Variants in FBXL18 observed in about 807,000 individuals in gnomAD.
The protein encoded by FBXL18 is F-box and leucine rich repeat protein 18.
A neutral mutation model predicts 46.0 loss-of-function variants in FBXL18; 36 were observed. That is an observed-to-expected ratio of 0.78 (90% confidence interval 0.60 to 1.03). FBXL18 has a LOEUF of 1.03. Among genes scored for constraint, FBXL18 ranks in the 50% least tolerant of loss-of-function variants. The probability of loss-of-function intolerance (pLI) is 0.00; values close to 1 mark genes in which losing one functional copy is unlikely to be tolerated. For synonymous variants in FBXL18, 557 were observed against 465.3 expected (o/e 1.20, Z -2.54); for missense variants, 977 against 1,004.1 (o/e 0.97, Z 0.36).
intron 4 of FBXL18, among the ~76,000 whole-genome samples, chr7:5,456,104 T>A (rs989281354): frequency 3.3e-5 from 5 of 152,030 alleles, no homozygotes; most frequent in Admixed American, 3.3e-4. Context: ...AACTGGCAAC[T>A]CCTGCTCCCA....
At chr7:5,469,995 T>C (rs144544345) in intron 4 of FBXL18, among the ~76,000 whole-genome samples, 4 of 152,244 alleles carry the variant, frequency 2.6e-5, no homozygotes, top group Non-Finnish European at 5.9e-5. Flanking sequence ...TGTCAGAGTG[T>C]CTGAAGTGTA....
intron 1 of FBXL18, among the ~76,000 whole-genome samples, chr7:5,511,319 C>G (rs1249920335): frequency 2.0e-5 from 3 of 152,106 alleles, no homozygotes; most frequent in Non-Finnish European, 4.4e-5. Context: ...TGGCTCACGC[C>G]TGTAATCTCA....
At chr7:5,498,657 C>T (rs1784150081) in intron 3 of FBXL18, among the ~76,000 whole-genome samples, 1 of 152,092 alleles carries the variant, frequency 6.6e-6, no homozygotes, top group Admixed American at 6.6e-5. Flanking sequence ...GCAACCTCTG[C>T]CTCCCGGGTA....
intron 1 of FBXL18, 35 bp downstream of exon 1, chr7:5,513,622 G>A (rs1248113753): frequency 6.2e-7 from 1 of 1,611,568 alleles, no homozygotes; most frequent in Admixed American, 1.7e-5. Context: ...AGGCCGCCGA[G>A]GCAGAAGCAG....
At chr7:5,463,741 T>TTTTTTTTTTTTTTTTTTTTTTTTTTTA (rs1783298690) in intron 4 of FBXL18, among the ~76,000 whole-genome samples, 1 of 46,204 alleles carries the variant, frequency 2.2e-5, no homozygotes, top group Non-Finnish European at 5.1e-5. Flanking sequence ...TTTTTTTTTT[T>TTTTTTTTTTTTTTTTTTTTTTTTTTTA]TTTTTTTTTT....
intron 2 of FBXL18, among the ~76,000 whole-genome samples, chr7:5,505,040 A>C (rs1008924529): frequency 1.3e-5 from 2 of 151,262 alleles, no homozygotes; most frequent in African/African-American, 4.9e-5. Context: ...GGGGGTGCAA[A>C]ATGGTGCCCT....
In FBXL18 at chr7:5,481,955, C is replaced by T. The variant is rs370138810; in HGVS notation, c.2001-24G>A. On this transcript the variant is annotated intron_variant, in intron 4 of 4. Transcript: ENST00000382368. ...AGCTGAACCAGAGACAGGCGGTCAG[C>T]GGATTACATGGGTGGCCACGGAGGG... 38 of 1,582,788 alleles carry T rather than the reference C, an allele frequency of 2.4e-5. No individual in the cohort carries two copies. In the African/African-American group the frequency reaches 4.7e-4, roughly 20 times the overall value.
At chr7:5,472,761 G>A (rs1416239526), downstream of FBXL18, among the ~76,000 whole-genome samples, 1 of 152,138 alleles carries the variant, frequency 6.6e-6, no homozygotes, top group Non-Finnish European at 1.5e-5. Flanking sequence ...AGACACCATG[G>A]AACAGATAAC....
downstream of FBXL18, among the ~76,000 whole-genome samples, chr7:5,473,331 T>G (rs1478880851): frequency 1.3e-5 from 2 of 152,126 alleles, no homozygotes; most frequent in East Asian, 3.9e-4. Flanking sequence ...GCCCACCCTC[T>G]GCCGGCAGCC....
chr7:5,471,741 G>A (rs1230919011), downstream of FBXL18, among the ~76,000 whole-genome samples: 1 of 152,152 alleles, frequency 6.6e-6, no homozygotes, highest in African/African-American at 2.4e-5. Context: ...ACACTCAGTC[G>A]ACTCCAGGTA....
chr7:5,488,876 G>A lies in FBXL18; in HGVS notation c.2000+2355C>T, dbSNP rs73331920. On this transcript the variant is annotated intron_variant, in intron 4 of 4. Coordinates refer to ENST00000382368, the MANE Select transcript of FBXL18 (RefSeq NM_024963.6). ...TGCACCCCTTCCCCCAACAGCTACC[G>A]CCTGTTCCCAAGCCCACTCGACTAA... Among the ~76,000 whole-genome samples the A allele has an allele frequency of 9.3e-3, 1,417 of 152,240 alleles. 33 individuals carry two copies. Among genetic ancestry groups the A allele is most frequent in the African/African-American group, 0.033 (1,363 of 41,548 alleles).
At chr7:5,472,721 C>T (rs903042961), downstream of FBXL18, among the ~76,000 whole-genome samples, 10 of 152,138 alleles carry the variant, frequency 6.6e-5, no homozygotes, top group African/African-American at 2.2e-4. Context: ...CTTCAGTCCC[C>T]AACTGCTGAG....
chr7:5,490,782 T>C (rs1214066608), intron 4 of FBXL18, among the ~76,000 whole-genome samples: 3 of 152,152 alleles, frequency 2.0e-5, no homozygotes, highest in Non-Finnish European at 4.4e-5. Flanking sequence ...CTGACCAACA[T>C]GGTGAAACCC....
At chr7:5,463,716 A>ATATT (rs1562672225) in intron 4 of FBXL18, among the ~76,000 whole-genome samples, 7 of 61,418 alleles carry the variant, frequency 1.1e-4, no homozygotes, top group African/African-American at 6.6e-5. Context: ...TTATTTATTT[A>ATATT]TTTATTTATT....
intron 3 of FBXL18, among the ~76,000 whole-genome samples, chr7:5,493,289 C>A (rs1562693905): frequency 1.3e-5 from 2 of 152,316 alleles, no homozygotes; most frequent in Admixed American, 6.5e-5. Flanking sequence ...GAGCTAGGAT[C>A]GTGCCACTGC....
In FBXL18 at chr7:5,490,238, G is replaced by A. The variant is rs200392945; in HGVS notation, c.2000+993C>T. ...CTGCAGGGACACGAACACTCAGGGC[G>A]TTCATGTCCTGCTGCCCCCTTGGCC... is the stretch of plus-strand genomic sequence containing the variant. On this transcript the variant is annotated intron_variant, in intron 4 of 4. Transcript: ENST00000382368. 805 of 1,310,904 alleles carry A rather than the reference G, an allele frequency of 6.1e-4. 1 individual carries two copies. Among genetic ancestry groups the A allele is most frequent in the Non-Finnish European group, 7.6e-4 (753 of 987,458 alleles). 81.2% of individuals were successfully genotyped at this position (1,310,904 alleles called of 1,614,324 possible).
intron 4 of FBXL18, among the ~76,000 whole-genome samples, chr7:5,468,909 AC>A (rs1352217497): frequency 1.3e-5 from 2 of 152,134 alleles, no homozygotes; most frequent in Non-Finnish European, 2.9e-5. Context: ...GCCTAAGTTC[AC>A]CTCTAATCAA....
At chr7:5,474,992 G>C (rs1331093431), downstream of FBXL18, among the ~76,000 whole-genome samples, 1 of 146,482 alleles carries the variant, frequency 6.8e-6, no homozygotes, top group Non-Finnish European at 1.5e-5. Flanking sequence ...ACAGGCGTGA[G>C]CCACCGCGCC....
intron 4 of FBXL18, chr7:5,489,057 G>A (rs759316907): frequency 8.2e-5 from 25 of 305,432 alleles, no homozygotes; most frequent in Middle Eastern, 1.2e-3. Flanking sequence ...TGCCCCCCTG[G>A]TTCCACCGCA....
Sources: allele counts gnomAD v4.1 joint callset (sites outside exome capture counted in the v4.1 genomes callset), GRCh38; gene constraint gnomAD v4.1.1; transcripts MANE v1.5; gene names NCBI Gene and HGNC (gene_info 2026-07-23, HGNC 2026-07-21).